The following SEZ6L2 variants were observed in gnomAD, a reference collection of about 807,000 sequenced individuals.
SEZ6L2 encodes seizure related 6 homolog like 2, also known as seizure 6-like protein 2.
SEZ6L2 carries 44 observed loss-of-function variants against 97.0 expected under a neutral mutation model. That is an observed-to-expected ratio of 0.45 (90% CI 0.36 to 0.58). SEZ6L2 has a LOEUF of 0.58. Ranked by LOEUF, SEZ6L2 falls within the 20% of genes least tolerant of loss-of-function variation. The pLI is 0.00. For missense variants in SEZ6L2, 1,086 were observed against 1,233.3 expected, an observed-to-expected ratio of 0.88 and a Z score of 1.79; for synonymous variants, 543 against 546.1, an observed-to-expected ratio of 0.99 and a Z score of 0.08.
chr16:29,896,174 G>A (rs2068383743), intron 3 of SEZ6L2, among the ~76,000 whole-genome samples: 1 of 152,120 alleles, frequency 6.6e-6, no homozygotes, highest in African/African-American at 2.4e-5. Flanking sequence ...ACATTTCCCA[G>A]GCTGGACTCA....
Position 29,895,729 on chromosome 16 carries a change from C to T in SEZ6L2, c.643G>A (p.Glu215Lys). ...SIHVYPGYGI[E>K]IQVQTLNLSQ... is the part of the protein sequence containing the mutation. ...TGCTTTGGTCCAGTTACCTGGATCT[C>T]AATGCCGTAGCCAGGGTAGACATGG... Residue 215 changes from glutamate to lysine, a missense_variant, in exon 4 of 18, where the codon GAG becomes AAG. By Grantham distance (56) the Glu-to-Lys change is moderately conservative. Around this residue, in one of 2 missense-constraint regions of SEZ6L2, gnomAD observed 776 missense variants for 794.7 expected, o/e 0.98. Transcript: ENST00000617533. 1 of 1,613,002 alleles carries T rather than the reference C, an allele frequency of 6.2e-7. No individual in the cohort carries two copies. Among genetic ancestry groups the T allele is most frequent in the East Asian group, 2.2e-5 (1 of 44,866 alleles).
chr16:29,882,315 A>G (rs1480360291), intron 8 of SEZ6L2, among the ~76,000 whole-genome samples: 1 of 151,738 alleles, frequency 6.6e-6, no homozygotes, highest in Non-Finnish European at 1.5e-5. Context: ...AGTGGCTCAC[A>G]CCTGTAATCC....
chr16:29,878,265 C>T (rs1372432022), intron 10 of SEZ6L2, 22 bp downstream of exon 10: 1 of 1,577,198 alleles, frequency 6.3e-7, no homozygotes, highest in Non-Finnish European at 8.6e-7. Flanking sequence ...CCCGTCGCAC[C>T]CTCTGCAGGA....
chr16:29,894,953 G>T (rs138590182), intron 5 of SEZ6L2, among the ~76,000 whole-genome samples: 9 of 152,218 alleles, frequency 5.9e-5, no homozygotes, highest in African/African-American at 2.2e-4. Context: ...GCTGAGGCAG[G>T]TGGATCACAA....
At chr16:29,896,445 A>G (rs1362166339) in intron 3 of SEZ6L2, among the ~76,000 whole-genome samples, 1 of 151,814 alleles carries the variant, frequency 6.6e-6, no homozygotes, top group African/African-American at 2.4e-5. Context: ...ACGCCTGGCT[A>G]ATTTTGTATT....
chr16:29,895,382 G>C lies in SEZ6L2; in HGVS notation c.730C>G (p.Leu244Val). 1 of 1,614,106 alleles carries C rather than the reference G, an allele frequency of 6.2e-7. No homozygotes were observed. The highest frequency in any genetic ancestry group is 8.5e-7 in the Non-Finnish European group (1 of 1,180,002). The change falls in exon 5 of 18, where the codon CTC (leucine) becomes GTC (valine). Residue 244 changes from leucine to valine, a missense_variant. By Grantham distance (32) the Leu-to-Val change is conservative (BLOSUM62 1). Transcript: ENST00000617533. ...CCAAGCATGGATGAGTTGGCCAGGA[G>C]TCGGGGGGCCAGGCCTGGGGATCCC... ...GGGSPGLAPRLLANSSMLGEG... is the reference protein window; with the variant it reads ...GGGSPGLAPRVLANSSMLGEG...
At position 29,878,755 on chromosome 16, in the gene SEZ6L2, T is replaced by C. The variant is rs1401873008; in HGVS notation, c.1574-330A>G. 1.4e-5 allele frequency among the ~76,000 whole-genome samples: 2 copies of C among 146,880 alleles called. 1 individual carries two copies. The highest frequency in any genetic ancestry group is 3.9e-4 in the East Asian group (2 of 5,120). On this transcript the variant is annotated intron_variant, in intron 9 of 17. Coordinates refer to ENST00000617533, the MANE Select transcript of SEZ6L2 (RefSeq NM_001243332.2). ...GCCGCCACCACACCCTATTTTTTTT[T>C]CTTTTTTCTTTTTTTTTTTTTTTGT... is the stretch of plus-strand genomic sequence containing the variant.
Position 29,887,761 on chromosome 16 carries a change from G to T in SEZ6L2, c.1096C>A (p.Pro366Thr). 6.2e-7 allele frequency: 1 copy of T among 1,613,874 alleles called. No individual in the cohort carries two copies. Among genetic ancestry groups the T allele is most frequent in the South Asian group, 1.1e-5 (1 of 91,062 alleles). The stretch of plus-strand genomic sequence containing the variant: ...AGGTTGGGCCCTACGGCTCCCCCAG[G>T]CTCTGGGGACACGATGCGGCCCAGG... ...ATLGRIVSPE[P>T]GGAVGPNLTC... Residue 366 changes from proline to threonine, a missense_variant, in exon 7 of 18, where the codon CCT becomes ACT. By Grantham distance (38) the Pro-to-Thr change is conservative. Around this residue, in one of 2 missense-constraint regions of SEZ6L2, gnomAD observed 776 missense variants for 794.7 expected, o/e 0.98. Coordinates refer to ENST00000617533, the MANE Select transcript of SEZ6L2 (RefSeq NM_001243332.2).
In SEZ6L2 at chr16:29,896,942, C is replaced by T. The variant is rs374526625; in HGVS notation, c.391G>A (p.Ala131Thr). Residue 131 changes from alanine to threonine, a missense_variant, in exon 3 of 18, where the codon GCC (alanine) becomes ACC (threonine). Physicochemically the swap from Ala to Thr is moderately conservative, Grantham distance 58. This residue lies in a region of SEZ6L2 where 776 missense variants were observed against 794.7 expected (regional missense o/e 0.98). Transcript: ENST00000617533. ...GAGGCAGGGCTGGGTGGGGGTGGGG[C>T]TGTGGTTCCTGGGGGCGGGGTCAGC... ...ELLTPPPGTTAPPPPSPASPG... is the reference protein window; with the variant it reads ...ELLTPPPGTTTPPPPSPASPG... The T allele has an allele frequency of 1.5e-4, 243 of 1,605,272 alleles. No homozygotes were observed. The highest frequency in any genetic ancestry group is 2.0e-4 in the Non-Finnish European group (230 of 1,176,184).
intron 5 of SEZ6L2, among the ~76,000 whole-genome samples, chr16:29,893,014 G>A (rs1256275670): frequency 1.3e-5 from 2 of 152,114 alleles, no homozygotes; most frequent in East Asian, 3.9e-4. Flanking sequence ...CAAATCTGAG[G>A]CTTTCACTTT....
chr16:29,895,900 T>C, intron 3 of SEZ6L2, 40 bp from the exon 4 acceptor site: 8 of 1,569,592 alleles, frequency 5.1e-6, no homozygotes, highest in Non-Finnish European at 6.9e-6. Context: ...GGAATGCCTG[T>C]GCTTTTGCCC....
chr16:29,878,747 T>C (rs2067965726), intron 9 of SEZ6L2, among the ~76,000 whole-genome samples: 1 of 143,398 alleles, frequency 7.0e-6, no homozygotes, highest in South Asian at 2.2e-4. Flanking sequence ...CCACACCCTA[T>C]TTTTTTTTCT....
intron 12 of SEZ6L2, among the ~76,000 whole-genome samples, chr16:29,875,281 G>A (rs2067879301): frequency 6.6e-6 from 1 of 152,188 alleles, no homozygotes; most frequent in African/African-American, 2.4e-5. Context: ...TGGTCATTCA[G>A]CCAGGGAGTG....
chr16:29,877,268 T>C lies in SEZ6L2; in HGVS notation c.1909+3A>G, dbSNP rs1195734896. The C allele has an allele frequency of 3.8e-6, 6 of 1,578,550 alleles. No individual in the cohort carries two copies. In the African/African-American group the frequency reaches 6.8e-5, roughly 18 times the overall value. Reference sequence around the variant, plus strand: ...CCCATCCCGGGACTCTATCCCTCAGTACCTTTGAAGTGCAATACGAAGCCC... The same window carrying C: ...CCCATCCCGGGACTCTATCCCTCAGCACCTTTGAAGTGCAATACGAAGCCC... On this transcript the variant is annotated splice_donor_region_variant and intron_variant, in intron 11 of 17. Transcript: ENST00000617533.
intron 7 of SEZ6L2, among the ~76,000 whole-genome samples, chr16:29,886,477 C>T (rs1332553405): frequency 6.6e-6 from 1 of 151,312 alleles, no homozygotes; most frequent in Admixed American, 6.6e-5. Flanking sequence ...AGATCGAGAC[C>T]ATCCTGGCTA....
At position 29,885,666 on chromosome 16, in the gene SEZ6L2, A is replaced by AT; in HGVS notation, c.1291dup (p.Ile431AsnfsTer3). On this transcript the variant is annotated frameshift_variant, in exon 8 of 18. Transcript: ENST00000617533. LOFTEE classifies it high-confidence loss of function. Reference sequence around the variant, plus strand: ...CACGTAGAGGGACTGGGCGTCACTGATGAGACCCCGCTCGGGGACATCGTC... The same window carrying AT: ...CACGTAGAGGGACTGGGCGTCACTGATTGAGACCCCGCTCGGGGACATCGTC... 6.2e-7 allele frequency: 1 copy of AT among 1,613,992 alleles called. No individual in the cohort carries two copies. Among genetic ancestry groups the AT allele is most frequent in the Non-Finnish European group, 8.5e-7 (1 of 1,179,968 alleles).
chr16:29,875,444 A>G (rs2067882346), intron 12 of SEZ6L2, among the ~76,000 whole-genome samples: 1 of 152,100 alleles, frequency 6.6e-6, no homozygotes, highest in Non-Finnish European at 1.5e-5. Context: ...TCTCAGCCCC[A>G]TCCAGGCCTG....
chr16:29,899,038 C>G lies in SEZ6L2; in HGVS notation c.-19G>C. The stretch of plus-strand genomic sequence containing the variant: ...TCCCCATGGCGACTCACCCCGATCT[C>G]TCTCCTCTGTGCCTCTCTAAGTAAT... On this transcript the variant is annotated 5_prime_UTR_variant, in exon 1 of 18. Coordinates refer to ENST00000617533, the MANE Select transcript of SEZ6L2 (RefSeq NM_001243332.2). 1 of 1,595,370 alleles carries G rather than the reference C, an allele frequency of 6.3e-7. No homozygotes were observed. Among genetic ancestry groups the G allele is most frequent in the Non-Finnish European group, 8.6e-7 (1 of 1,169,462 alleles).
chr16:29,876,738 C>A lies in SEZ6L2; in HGVS notation c.2104+18G>T, dbSNP rs956977945. 2 of 1,513,304 alleles carry A rather than the reference C, an allele frequency of 1.3e-6. No individual in the cohort carries two copies. Among genetic ancestry groups the A allele is most frequent in the Non-Finnish European group, 8.9e-7 (1 of 1,126,452 alleles). The allele number at this position is 1,513,304 out of a possible 1,614,324, so 93.7% of individuals were successfully genotyped here. On this transcript the variant is annotated intron_variant, in intron 12 of 17. Coordinates refer to ENST00000617533, the MANE Select transcript of SEZ6L2 (RefSeq NM_001243332.2). This position sits in a 1 kb window ranked among gnomAD's most constrained non-coding sequence, Gnocchi z 6.5. ...GGGAAGGGGCGGGGCCGAGGGGACG[C>A]GGGCGGGGCCGGCTCACTCTTTTGG...
Sources: gnomAD v4.1 joint callset for allele counts (sites outside exome capture counted in the v4.1 genomes callset) on GRCh38, gnomAD v4.1.1 for gene constraint, gnomAD v4.1.1 regional missense constraint, Gnocchi (gnomAD v3.1) non-coding constraint, MANE v1.5 for transcripts, NCBI Gene and HGNC (gene_info 2026-07-23, HGNC 2026-07-21) for gene names.